GNB1L: variants seen among roughly 807,000 people sequenced by gnomAD.
The protein encoded by GNB1L is G protein subunit beta 1 like, also known as guanine nucleotide-binding protein subunit beta-like protein 1.
In GNB1L, 20 loss-of-function variants were observed where a neutral mutation model predicts 29.1. The observed-to-expected ratio is 0.69, with a 90% CI of 0.48 to 1.00. GNB1L has a LOEUF of 1.00. GNB1L is among the 50% of genes least tolerant of loss of function. GNB1L has a pLI of 0.00. For missense variants in GNB1L, 421 were observed against 464.9 expected (o/e 0.91, Z 0.87); for synonymous variants, 193 against 206.5 (o/e 0.93, Z 0.56).
In GNB1L at chr22:19,784,164, G is replaced by A. The variant is rs112320548; in HGVS notation, c.*4545C>T. On this transcript the variant is annotated 3_prime_UTR_variant, in exon 8 of 8. Coordinates refer to ENST00000329517, the MANE Select transcript of GNB1L (RefSeq NM_053004.3). ...GTATAAGCATTTCTAAAGAACCCCC[G>A]GAGGGTTGTTTTTCTTTGTGCAAAC... 2.6e-4 allele frequency: 40 copies of A among 152,344 alleles called. No homozygotes were observed. The highest frequency in any genetic ancestry group is 9.1e-4 in the African/African-American group (38 of 41,578). 9.4% of individuals were successfully genotyped at this position (152,344 alleles called of 1,614,324 possible).
At position 19,793,198 on chromosome 22, in the gene GNB1L, A is replaced by T. The variant is rs1937271100; in HGVS notation, c.733-4238T>A. 1.8e-5 allele frequency: 13 copies of T among 714,584 alleles called. No individual in the cohort carries two copies. The East Asian group carries it at 3.6e-4, about 20-fold the overall frequency. 44.3% of individuals were successfully genotyped at this position (714,584 alleles called of 1,614,324 possible). On this transcript the variant is annotated intron_variant, in intron 7 of 7. Coordinates refer to ENST00000329517, the MANE Select transcript of GNB1L (RefSeq NM_053004.3). ...AGTGTATTCAAATAATTACCCAAAA[A>T]ATTGTCTTGAGTGAGCAAATAGGAA... is the stretch of plus-strand genomic sequence containing the variant.
chr22:19,809,520 T>C (rs979390031), intron 5 of GNB1L, among the ~76,000 whole-genome samples: 5 of 152,192 alleles, frequency 3.3e-5, no homozygotes, highest in African/African-American at 1.2e-4. Context: ...AAGGGTCTAA[T>C]TGAGCTGACT....
At chr22:19,851,076 A>G in intron 2 of GNB1L, 1 of 1,469,660 alleles carries the variant, frequency 6.8e-7, no homozygotes, top group Non-Finnish European at 9.0e-7. Flanking sequence ...ATCTGGGGAC[A>G]CCACTCTGCT....
intron 2 of GNB1L, chr22:19,846,990 C>A (rs1937977019): frequency 1.0e-6 from 1 of 985,508 alleles, no homozygotes; most frequent in Non-Finnish European, 1.2e-6. Context: ...CAGCCCCACG[C>A]TGGGTGGCTG....
intron 7 of GNB1L, among the ~76,000 whole-genome samples, chr22:19,791,677 A>G (rs921424242): frequency 2.6e-4 from 39 of 152,212 alleles, no homozygotes; most frequent in Non-Finnish European, 1.0e-4. Flanking sequence ...GGTGGACTCC[A>G]CAGGGCTTAC....
chr22:19,794,695 G>A (rs533158090), intron 7 of GNB1L, among the ~76,000 whole-genome samples: 2 of 152,274 alleles, frequency 1.3e-5, no homozygotes, highest in African/African-American at 4.8e-5. Flanking sequence ...TTGTCAGAAA[G>A]CATCACAAAG....
At chr22:19,815,981 A>C (rs1186625824) in intron 4 of GNB1L, among the ~76,000 whole-genome samples, 1 of 152,150 alleles carries the variant, frequency 6.6e-6, no homozygotes, top group African/African-American at 2.4e-5. Flanking sequence ...GGCCCCTCCT[A>C]GCCCTGTGCA....
At position 19,812,437 on chromosome 22, in the gene GNB1L, C is replaced by T; in HGVS notation, c.265G>A (p.Asp89Asn). The change falls in exon 5 of 8, where the codon GAC becomes AAC. Residue 89 changes from aspartate (D) to asparagine (N), a missense_variant. Physicochemically the swap from Asp to Asn is conservative, Grantham distance 23. Coordinates refer to ENST00000329517, the MANE Select transcript of GNB1L (RefSeq NM_053004.3). Reference sequence around the variant, plus strand: ...AGGTCCCACAGGCACAGCTTCAGGTCCCGGCCCTGACTGCCAGACAAAGAG... The same window carrying T: ...AGGTCCCACAGGCACAGCTTCAGGTTCCGGCCCTGACTGCCAGACAAAGAG... Reference protein sequence around the residue: ...QGRQLLSQGRDLKLCLWDLAE... With the variant: ...QGRQLLSQGRNLKLCLWDLAE... 1 of 1,612,174 alleles carries T rather than the reference C, an allele frequency of 6.2e-7. No individual in the cohort carries two copies. Among genetic ancestry groups the T allele is most frequent in the Non-Finnish European group, 8.5e-7 (1 of 1,179,200 alleles).
chr22:19,846,356 A>C, intron 2 of GNB1L: 2 of 932,514 alleles, frequency 2.1e-6, no homozygotes, highest in Non-Finnish European at 2.6e-6. Flanking sequence ...CAGGTAGGGA[A>C]AGATTTCTTA....
At chr22:19,793,226 C>T in intron 7 of GNB1L, 1 of 594,510 alleles carries the variant, frequency 1.7e-6, no homozygotes. Flanking sequence ...AATAGGAACT[C>T]TTAGCAGAGA....
At chr22:19,851,337 G>A in intron 2 of GNB1L, 2 of 1,614,138 alleles carry the variant, frequency 1.2e-6, no homozygotes, top group African/African-American at 1.3e-5. Flanking sequence ...TGGGCAGGAG[G>A]ATTAGCTGAC....
intron 7 of GNB1L, among the ~76,000 whole-genome samples, chr22:19,794,551 G>C (rs1236817917): frequency 6.6e-6 from 1 of 152,132 alleles, no homozygotes; most frequent in African/African-American, 2.4e-5. Context: ...AAAGAAGGTA[G>C]GAAAGGAGGA....
At chr22:19,842,018 G>C (rs1042169292) in intron 2 of GNB1L, among the ~76,000 whole-genome samples, 6 of 152,172 alleles carry the variant, frequency 3.9e-5, no homozygotes, top group Admixed American at 1.3e-4. Context: ...GCTGGTGAAT[G>C]GGCTCCCTCC....
rs760084173 is a variant in GNB1L, at chr22:19,851,708, A to G, written c.-21+2735T>C. 6.9e-6 allele frequency: 11 copies of G among 1,602,664 alleles called. No individual in the cohort carries two copies. The South Asian group carries it at 8.9e-5, about 13-fold the overall frequency. ...GGTAACCACAGCATGGTACTCAGCA[A>G]AACTGTTCGGGTCTTGAACAACTTC... On this transcript the variant is annotated intron_variant, in intron 2 of 7. Transcript: ENST00000329517.
chr22:19,801,744 G>A lies in GNB1L; in HGVS notation c.732+257C>T, dbSNP rs1035502934. ...GGGTTTGAGTATTCCTGGACTCTGC[G>A]TGCCTTTCTCTAGATGGACAAGATG... On this transcript the variant is annotated intron_variant, in intron 7 of 7. Transcript: ENST00000329517. Among the ~76,000 whole-genome samples, 6 of 150,868 alleles carry A rather than the reference G, an allele frequency of 4.0e-5. No individual in the cohort carries two copies. In the South Asian group the frequency reaches 1.0e-3, roughly 26 times the overall value.
chr22:19,791,992 C>T (rs796214302), intron 7 of GNB1L, among the ~76,000 whole-genome samples: 6 of 152,284 alleles, frequency 3.9e-5, no homozygotes, highest in African/African-American at 1.4e-4. Context: ...GCCAAGCCTG[C>T]ACAAGCTCAA....
chr22:19,788,254 A>C lies in GNB1L; in HGVS notation c.*455T>G. On this transcript the variant is annotated 3_prime_UTR_variant, in exon 8 of 8. Transcript: ENST00000329517. ...GACGCAGCTATGGTTGGGGCCTATC[A>C]TCTCCTGAGGCCTGGCCCAGGAAAC... is the stretch of plus-strand genomic sequence containing the variant. 1 of 408,754 alleles carries C rather than the reference A, an allele frequency of 2.4e-6. No homozygotes were observed. Among genetic ancestry groups the C allele is most frequent in the Non-Finnish European group, 4.4e-6 (1 of 226,738 alleles). 25.3% of individuals were successfully genotyped at this position (408,754 alleles called of 1,614,324 possible).
At chr22:19,850,630 A>T in intron 2 of GNB1L, 2 of 1,220,726 alleles carry the variant, frequency 1.6e-6, no homozygotes, top group Non-Finnish European at 2.0e-6. Flanking sequence ...ATCCCCCAGA[A>T]TCAAAGTGGC....
rs777605606 is a variant in GNB1L at position 19,802,203 on chromosome 22, G to T, written c.530C>A (p.Ser177Tyr). The T allele has an allele frequency of 6.2e-6, 10 of 1,612,752 alleles. No homozygotes were observed. The South Asian group carries it at 1.1e-4, about 18-fold the overall frequency. The change falls in exon 7 of 8, where the codon TCC (serine) becomes TAC (tyrosine). Residue 177 changes from serine (S) to tyrosine (Y), a missense_variant. Ser to Tyr is a moderately radical substitution (Grantham distance 144). Coordinates refer to ENST00000329517, the MANE Select transcript of GNB1L (RefSeq NM_053004.3). Reference protein sequence around the residue: ...CLRLWQADCSSRPLLLAGYED... With the variant: ...CLRLWQADCSYRPLLLAGYED... ...ATAGCCGGCCAGAAGGAGTGGGCGGGAGCTGCAGTCGGCCTGCGGGGAACA... is the reference window on the plus strand; with the variant it reads ...ATAGCCGGCCAGAAGGAGTGGGCGGTAGCTGCAGTCGGCCTGCGGGGAACA...
Sources: gnomAD v4.1 joint callset for allele counts (sites outside exome capture counted in the v4.1 genomes callset) on GRCh38, gnomAD v4.1.1 for gene constraint, MANE v1.5 for transcripts, NCBI Gene and HGNC (gene_info 2026-07-23, HGNC 2026-07-21) for gene names.